The following PTPN3 variants were observed in gnomAD, a reference collection of about 807,000 sequenced individuals.
The protein encoded by PTPN3 is protein tyrosine phosphatase non-receptor type 3.
A neutral mutation model predicts 132.7 loss-of-function variants in PTPN3; 96 were observed. The ratio of observed to expected loss-of-function variants is 0.72; its 90% CI spans 0.61 to 0.86. PTPN3 has a LOEUF of 0.86. Among genes scored for constraint, PTPN3 ranks in the 40% least tolerant of loss-of-function variants. The probability of loss-of-function intolerance (pLI) is 0.00; values close to 1 mark genes in which losing one functional copy is unlikely to be tolerated. For synonymous variants in PTPN3, 398 were observed against 429.0 expected, an observed-to-expected ratio of 0.93 and a Z score of 0.89; for missense variants, 1,125 against 1,159.6, an observed-to-expected ratio of 0.97 and a Z score of 0.43.
rs115911725 is a variant in PTPN3, at chr9:109,479,645, C to T, written c.-17-16194G>A. Among the ~76,000 whole-genome samples the T allele has an allele frequency of 1.3e-3, 192 of 152,176 alleles. 2 individuals are homozygous for T. Among genetic ancestry groups the T allele is most frequent in the African/African-American group, 4.4e-3 (181 of 41,516 alleles). ...AGGCTGGAGTGCAAAGGCACCATCT[C>T]AGCTTACTGCAGCCTCCTCCGCCTC... On this transcript the variant is annotated intron_variant, in intron 1 of 25. Coordinates refer to ENST00000374541, the MANE Select transcript of PTPN3 (RefSeq NM_002829.4).
chr9:109,520,205 C>G, the PTPN3 span, among the ~76,000 whole-genome samples: 1 of 151,148 alleles, frequency 6.6e-6, no homozygotes, highest in African/African-American at 2.4e-5. Flanking sequence ...CAAGAAGAGG[C>G]AAAACTTACC....
intron 5 of PTPN3, chr9:109,451,293 C>T: frequency 1.0e-6 from 1 of 985,102 alleles, no homozygotes. Context: ...GGGTGGCTCC[C>T]ACCATGGCTC....
intron 1 of PTPN3, among the ~76,000 whole-genome samples, chr9:109,475,774 G>A (rs1465910657): frequency 6.6e-6 from 1 of 152,170 alleles, no homozygotes; most frequent in African/African-American, 2.4e-5. Context: ...ACTTTGAAAG[G>A]TTTGAGATGT....
the PTPN3 span, chr9:109,533,551 A>G: frequency 7.5e-6 from 12 of 1,599,332 alleles, no homozygotes; most frequent in South Asian, 1.1e-5. Context: ...TATCCTCTTC[A>G]TTGCCGTCCT....
intron 14 of PTPN3, among the ~76,000 whole-genome samples, chr9:109,412,170 C>T (rs1208181808): frequency 2.0e-5 from 3 of 151,984 alleles, no homozygotes; most frequent in Admixed American, 2.0e-4. Flanking sequence ...TCTGTCTCTA[C>T]CTCTGTCTCC....
At chr9:109,411,926 G>C (rs1409576705) in intron 14 of PTPN3, among the ~76,000 whole-genome samples, 2 of 152,120 alleles carry the variant, frequency 1.3e-5, no homozygotes, top group African/African-American at 4.8e-5. Flanking sequence ...GGATGGGAAG[G>C]CATTTCAGAG....
intron 6 of PTPN3, 124 bp from the exon 7 acceptor site, chr9:109,445,416 T>C: frequency 6.6e-6 from 6 of 906,298 alleles, no homozygotes; most frequent in East Asian, 5.3e-5. Context: ...ACAACATGAA[T>C]TGTAACAAAA....
chr9:109,379,534 A>G lies in PTPN3; in HGVS notation c.*22T>C, dbSNP rs760909503. 6.3e-7 allele frequency: 1 copy of G among 1,599,090 alleles called. No individual in the cohort carries two copies. The highest frequency in any genetic ancestry group is 8.6e-7 in the Non-Finnish European group (1 of 1,166,414). ...AAGGAGGATGCCCTTGGGAAAGAGGAATGAACTTTTTCACAGTTGTCTTAA... is the reference window on the plus strand; with the variant it reads ...AAGGAGGATGCCCTTGGGAAAGAGGGATGAACTTTTTCACAGTTGTCTTAA... On this transcript the variant is annotated 3_prime_UTR_variant, in exon 26 of 26. Transcript: ENST00000374541.
chr9:109,520,645 T>C, the PTPN3 span, among the ~76,000 whole-genome samples: 1 of 152,208 alleles, frequency 6.6e-6, no homozygotes, highest in Non-Finnish European at 1.5e-5. Context: ...GTGGGACAGT[T>C]TGTGTCAAGC....
At chr9:109,395,981 C>T (rs1048234963) in intron 19 of PTPN3, among the ~76,000 whole-genome samples, 2 of 151,648 alleles carry the variant, frequency 1.3e-5, no homozygotes, top group African/African-American at 2.4e-5. Flanking sequence ...CTCAGCCTCC[C>T]GTGTAGCTGG....
At chr9:109,384,245 A>C (rs1440610435) in intron 22 of PTPN3, among the ~76,000 whole-genome samples, 2 of 152,164 alleles carry the variant, frequency 1.3e-5, no homozygotes, top group Admixed American at 6.5e-5. Flanking sequence ...CTTGAGTAAC[A>C]GTGATGAGTT....
At chr9:109,503,626 T>C in the PTPN3 span, among the ~76,000 whole-genome samples, 1 of 151,628 alleles carries the variant, frequency 6.6e-6, no homozygotes, top group Non-Finnish European at 1.5e-5. Context: ...GGAGAATCGC[T>C]GGAACCCTGG....
chr9:109,448,611 A>G (rs759024434), intron 6 of PTPN3, among the ~76,000 whole-genome samples, 200 bp downstream of exon 6: 1 of 152,200 alleles, frequency 6.6e-6, no homozygotes, highest in Non-Finnish European at 1.5e-5. Context: ...AACATGAAAC[A>G]AAGTTATCAA....
the PTPN3 span, among the ~76,000 whole-genome samples, chr9:109,510,558 TAAAAAAAAA>T: frequency 4.9e-4 from 36 of 74,108 alleles, no homozygotes; most frequent in African/African-American, 1.6e-3. Flanking sequence ...AACTTTGTCT[TAAAAAAAAA>T]AAAAAAAAAA....
chr9:109,415,040 G>A (rs569286456), intron 14 of PTPN3, among the ~76,000 whole-genome samples: 17 of 147,178 alleles, frequency 1.2e-4, no homozygotes, highest in African/African-American at 2.5e-4. Flanking sequence ...CTGTCCGTCC[G>A]TCCGTCCGTC....
chr9:109,421,771 C>G (rs1315672079), intron 13 of PTPN3, among the ~76,000 whole-genome samples: 1 of 152,226 alleles, frequency 6.6e-6, no homozygotes, highest in East Asian at 1.9e-4. Context: ...CATTAGGCCC[C>G]CAGTGAAGGG....
chr9:109,423,524 T>C (rs147950744), intron 12 of PTPN3, among the ~76,000 whole-genome samples: 2,378 of 152,264 alleles, frequency 0.016, 52 homozygotes, highest in African/African-American at 0.053. Context: ...GAGAACCCCC[T>C]GAATCCCCGA....
intron 1 of PTPN3, among the ~76,000 whole-genome samples, chr9:109,485,362 G>A (rs936188518): frequency 6.6e-5 from 10 of 152,016 alleles, no homozygotes; most frequent in Non-Finnish European, 5.9e-5. Flanking sequence ...AAAAAAATTA[G>A]CTGGGCGTGG....
the PTPN3 span, among the ~76,000 whole-genome samples, chr9:109,518,472 C>T: frequency 6.6e-6 from 1 of 152,288 alleles, no homozygotes; most frequent in Admixed American, 6.5e-5. Flanking sequence ...AGGATGCTCC[C>T]ATTGGACAGG....
Sources: gnomAD v4.1 joint callset for allele counts (sites outside exome capture counted in the v4.1 genomes callset) on GRCh38, gnomAD v4.1.1 for gene constraint, MANE v1.5 for transcripts, NCBI Gene and HGNC (gene_info 2026-07-23, HGNC 2026-07-21) for gene names.